Variants in STOML1 observed in about 807,000 individuals in gnomAD.
STOML1 encodes stomatin-like protein 1.
A neutral mutation model predicts 35.7 loss-of-function variants in STOML1; 27 were observed. The observed-to-expected ratio is 0.76, with a 90% confidence interval of 0.56 to 1.04. The LOEUF is 1.04. STOML1 is among the 50% of genes least tolerant of loss of function. The probability of loss-of-function intolerance (pLI) is 0.00; values close to 1 mark genes in which losing one functional copy is unlikely to be tolerated. For synonymous variants in STOML1, 219 were observed against 227.9 expected, an observed-to-expected ratio of 0.96 and a Z score of 0.35; for missense variants, 451 against 527.1, an observed-to-expected ratio of 0.86 and a Z score of 1.41.
At chr15:73,994,110 C>CCCAT (rs535967736), upstream of STOML1, among the ~76,000 whole-genome samples, 13 of 152,312 alleles carry the variant, frequency 8.5e-5, 1 homozygote, top group South Asian at 2.7e-3. Context: ...TCAGCAACTT[C>CCCAT]CCATCACTCA....
Position 73,988,473 on chromosome 15 carries a change from G to A in STOML1, c.594+126C>T, listed in dbSNP as rs2069160933. Reference sequence around the variant, plus strand: ...CCCAGGCACTGGCTCTTCAAAGGTGGTTACACTATTGGGACATATGGTAAA... The same window carrying A: ...CCCAGGCACTGGCTCTTCAAAGGTGATTACACTATTGGGACATATGGTAAA... On this transcript the variant is annotated intron_variant, in intron 4 of 6. Coordinates refer to ENST00000541638, the MANE Select transcript of STOML1 (RefSeq NM_004809.5). This position sits in a 1 kb window ranked among gnomAD's most constrained non-coding sequence, Gnocchi z 4.8. 2 of 1,152,100 alleles carry A rather than the reference G, an allele frequency of 1.7e-6. No homozygotes were observed. Among genetic ancestry groups the A allele is most frequent in the African/African-American group, 1.5e-5 (1 of 64,878 alleles). The allele number at this position is 1,152,100 out of a possible 1,614,324, so 71.4% of individuals were successfully genotyped here. A position where few individuals can be genotyped will look rare whatever the true frequency, so the allele number is the denominator to read the frequency against.
At position 73,988,478 on chromosome 15, in the gene STOML1, A is replaced by G. The variant is rs2069161023; in HGVS notation, c.594+121T>C. 3.4e-6 allele frequency: 4 copies of G among 1,191,966 alleles called. No homozygotes were observed. The African/African-American group carries it at 4.6e-5, about 14-fold the overall frequency. The allele number at this position is 1,191,966 out of a possible 1,614,324, so 73.8% of individuals were successfully genotyped here. A position where few individuals can be genotyped will look rare whatever the true frequency, so the allele number is the denominator to read the frequency against. The stretch of plus-strand genomic sequence containing the variant: ...GCACTGGCTCTTCAAAGGTGGTTAC[A>G]CTATTGGGACATATGGTAAACTGAG... On this transcript the variant is annotated intron_variant, in intron 4 of 6. Coordinates refer to ENST00000541638, the MANE Select transcript of STOML1 (RefSeq NM_004809.5). The surrounding 1 kb of genome is among the most constrained non-coding windows in gnomAD (Gnocchi z 4.8).
Position 73,991,515 on chromosome 15 carries a change from A to G in STOML1, c.133+576T>C. On this transcript the variant is annotated intron_variant, in intron 1 of 6. Coordinates refer to ENST00000541638, the MANE Select transcript of STOML1 (RefSeq NM_004809.5). ...GAAGGCCAGGGAGGGATCAAATCCA[A>G]GGTTAGGCGGTTAGGCTGAACAGCG... 8.9e-6 allele frequency: 4 copies of G among 450,076 alleles called. No individual in the cohort carries two copies. The Admixed American group carries it at 9.5e-5, about 11-fold the overall frequency. The allele number at this position is 450,076 out of a possible 1,614,324, so 27.9% of individuals were successfully genotyped here.
At chr15:73,986,043 G>C (rs1358693978) in intron 4 of STOML1, 1 of 158,320 alleles carries the variant, frequency 6.3e-6, no homozygotes, top group Admixed American at 6.5e-5. Context: ...GGATTATAGG[G>C]GGCTGAGGGG....
chr15:73,992,373 G>T, upstream of STOML1: 1 of 903,668 alleles, frequency 1.1e-6, no homozygotes, highest in Non-Finnish European at 1.5e-6. Flanking sequence ...GAGGCCGGCC[G>T]GGGCCCGCTT....
Position 73,988,693 on chromosome 15 carries a change from C to G in STOML1, c.500G>C (p.Arg167Pro). 2 of 1,614,194 alleles carry G rather than the reference C, an allele frequency of 1.2e-6. No individual in the cohort carries two copies. Among genetic ancestry groups the G allele is most frequent in the Non-Finnish European group, 1.7e-6 (2 of 1,180,042 alleles). ...MTVKDLNTAT[R>P]MTAQNAMTKA... is the part of the protein sequence containing the mutation. ...GGTCATGGCGTTCTGGGCTGTCATG[C>G]GTGTGGCTGTGTTCAGGTCTTTCAC... The change falls in exon 4 of 7, where the codon CGC becomes CCC. Residue 167 changes from arginine (R) to proline (P), a missense_variant. Transcript: ENST00000541638. This position sits in a 1 kb window ranked among gnomAD's most constrained non-coding sequence, Gnocchi z 4.8.
intron 4 of STOML1, chr15:73,987,657 G>A (rs2069139560): frequency 6.6e-6 from 1 of 152,220 alleles, no homozygotes; most frequent in Admixed American, 6.5e-5. Context: ...CTTGACCATA[G>A]CTCTCAGAGG....
At chr15:73,985,182 C>T in intron 5 of STOML1, 136 bp downstream of exon 5, 1 of 1,143,778 alleles carries the variant, frequency 8.7e-7, no homozygotes, top group Non-Finnish European at 1.2e-6. Context: ...CCTCCTCTCA[C>T]TGCCTTGGCT....
chr15:73,985,499 A>G lies in STOML1; in HGVS notation c.609T>C (p.Asp203=). ...CCTCCAGCCCCCAGGCCCTGGTCAC[A>G]TCGTTGATCTCCAGCTGGAGGACAG... The part of the protein sequence containing the change: ...ISDQLLLEIN[D]VTRAWGLEVD... The change falls in exon 5 of 7, where the codon GAT becomes GAC. Residue 203 remains aspartate, a synonymous_variant. Transcript: ENST00000541638. The G allele has an allele frequency of 1.6e-5, 25 of 1,541,498 alleles. No homozygotes were observed. Among genetic ancestry groups the G allele is most frequent in the Non-Finnish European group, 2.1e-5 (24 of 1,144,478 alleles).
At position 73,985,481 on chromosome 15, in the gene STOML1, C is replaced by T; in HGVS notation, c.627G>A (p.Gly209=). 2 of 1,538,280 alleles carry T rather than the reference C, an allele frequency of 1.3e-6. No homozygotes were observed. Among genetic ancestry groups the T allele is most frequent in the Admixed American group, 2.1e-5 (1 of 46,736 alleles). The change falls in exon 5 of 7, where the codon GGG becomes GGA. Residue 209 remains glycine, a synonymous_variant. Coordinates refer to ENST00000541638, the MANE Select transcript of STOML1 (RefSeq NM_004809.5). ...LEINDVTRAW[G]LEVDRVELAV... ...CCAGCTCCACGCGGTCTACCTCCAG[C>T]CCCCAGGCCCTGGTCACATCGTTGA...
chr15:73,979,639 A>G lies in STOML1; in HGVS notation c.*4298T>C, dbSNP rs2068939718. 6.6e-6 allele frequency: 1 copy of G among 152,304 alleles called. No homozygotes were observed. Among genetic ancestry groups the G allele is most frequent in the East Asian group, 1.9e-4 (1 of 5,196 alleles). 9.4% of individuals were successfully genotyped at this position (152,304 alleles called of 1,614,324 possible). On this transcript the variant is annotated 3_prime_UTR_variant, in exon 7 of 7. Coordinates refer to ENST00000541638, the MANE Select transcript of STOML1 (RefSeq NM_004809.5). ...AGTGCTGGGATTAGAGGCGCAAGCCAGCCAAATAATACATTTTAAAAGGGT... is the reference window on the plus strand; with the variant it reads ...AGTGCTGGGATTAGAGGCGCAAGCCGGCCAAATAATACATTTTAAAAGGGT...
intron 1 of STOML1, among the ~76,000 whole-genome samples, 197 bp from the exon 2 acceptor site, chr15:73,990,654 A>G (rs547484729): frequency 1.3e-5 from 2 of 152,232 alleles, no homozygotes; most frequent in Admixed American, 1.3e-4. Flanking sequence ...CCTCCCATAC[A>G]TCAACACTCA....
chr15:73,985,959 GGGA>G (rs1420219022), intron 4 of STOML1: 5 of 171,002 alleles, frequency 2.9e-5, no homozygotes, highest in Non-Finnish European at 6.2e-5. Flanking sequence ...AAGAGCCCCA[GGGA>G]GGAGTTTGAG....
intron 1 of STOML1, 128 bp downstream of exon 1, chr15:73,991,962 AT>A: frequency 7.4e-7 from 1 of 1,348,080 alleles, no homozygotes; most frequent in Non-Finnish European, 9.9e-7. Context: ...TCCACATCGT[AT>A]CCCTTTCTCA....
rs2069001575 is a variant in STOML1, at chr15:73,983,901, G to A, written c.*36C>T. 6.3e-7 allele frequency: 1 copy of A among 1,588,174 alleles called. No individual in the cohort carries two copies. The highest frequency in any genetic ancestry group is 1.7e-5 in the Admixed American group (1 of 57,412). On this transcript the variant is annotated 3_prime_UTR_variant, in exon 7 of 7. Transcript: ENST00000541638. ...AGAGGCCCCTCAGGCTTGGTGCCAG[G>A]CTTGGGACTGGGCTCTGGAAAGTCA... is the stretch of plus-strand genomic sequence containing the variant.
At chr15:73,991,918 G>A (rs2069288722) in intron 1 of STOML1, 173 bp downstream of exon 1, 2 of 1,057,560 alleles carry the variant, frequency 1.9e-6, no homozygotes, top group Admixed American at 2.9e-5. Context: ...AGGGCGGATC[G>A]GCGCTAGCAC....
intron 4 of STOML1, chr15:73,987,773 G>A (rs1407807080): frequency 2.6e-5 from 4 of 152,250 alleles, no homozygotes; most frequent in Admixed American, 2.0e-4. Context: ...CCAGACAAAA[G>A]GACTTTGTAA....
In STOML1 at chr15:73,992,277, G is replaced by A. The variant is rs1035325014; in HGVS notation, c.-54C>T. Reference sequence around the variant, plus strand: ...CTCCGCGCGGCGCCCTCCCTGGCCAGTGGGCCCTACGCGGCCCCGCCCTCC... The same window carrying A: ...CTCCGCGCGGCGCCCTCCCTGGCCAATGGGCCCTACGCGGCCCCGCCCTCC... On this transcript the variant is annotated 5_prime_UTR_variant, in exon 1 of 7. Transcript: ENST00000541638. 8.4e-6 allele frequency: 13 copies of A among 1,548,522 alleles called. No homozygotes were observed. In the African/African-American group the frequency reaches 1.7e-4, roughly 21 times the overall value.
In STOML1 at chr15:73,988,934, T is replaced by C; in HGVS notation, c.391-132A>G. 1 of 1,424,192 alleles carries C rather than the reference T, an allele frequency of 7.0e-7. No individual in the cohort carries two copies. 88.2% of individuals were successfully genotyped at this position (1,424,192 alleles called of 1,614,324 possible). On this transcript the variant is annotated intron_variant, in intron 3 of 6. Transcript: ENST00000541638. This position sits in a 1 kb window ranked among gnomAD's most constrained non-coding sequence, Gnocchi z 4.8. ...CTCAAGGGCAAATGGTGTCACCAAG[T>C]ATGTAGGGTTAGGTGTATGAAGCAA...
Sources: gnomAD v4.1 joint callset for allele counts (sites outside exome capture counted in the v4.1 genomes callset) on GRCh38, gnomAD v4.1.1 for gene constraint, Gnocchi (gnomAD v3.1) non-coding constraint, MANE v1.5 for transcripts, NCBI Gene and HGNC (gene_info 2026-07-23, HGNC 2026-07-21) for gene names.